The following WDR72 variants were observed in gnomAD, a reference collection of about 807,000 sequenced individuals.
WDR72 encodes the protein WD repeat domain 72.
WDR72 carries 120 observed loss-of-function variants against 124.2 expected under a neutral mutation model. The observed-to-expected ratio is 0.97, with a 90% CI of 0.83 to 1.12. The LOEUF is 1.12. Among genes scored for constraint, WDR72 ranks in the 50% most tolerant of loss-of-function variants. WDR72 has a pLI of 0.00. For synonymous variants in WDR72, 452 were observed against 441.7 expected (o/e 1.02, Z -0.29); for missense variants, 1,387 against 1,278.8 (o/e 1.08, Z -1.29).
At chr15:53,677,729 T>G (rs1424632792) in intron 13 of WDR72, among the ~76,000 whole-genome samples, 2 of 152,188 alleles carry the variant, frequency 1.3e-5, no homozygotes, top group African/African-American at 4.8e-5. Flanking sequence ...GTAAACCTCT[T>G]TTCTTTGTAA....
At chr15:53,693,992 C>T (rs550652270) in intron 13 of WDR72, among the ~76,000 whole-genome samples, 1 of 152,308 alleles carries the variant, frequency 6.6e-6, no homozygotes, top group East Asian at 1.9e-4. Flanking sequence ...CAAAAACAGA[C>T]TCCCATGGAC....
chr15:53,537,760 TCAAGA>T (rs1206481872), intron 18 of WDR72, among the ~76,000 whole-genome samples: 1 of 152,170 alleles, frequency 6.6e-6, no homozygotes, highest in Non-Finnish European at 1.5e-5. Flanking sequence ...AGCCTTAAGG[TCAAGA>T]CATTTTATTT....
intron 3 of WDR72, among the ~76,000 whole-genome samples, chr15:53,720,947 T>C (rs1006610260): frequency 6.6e-6 from 1 of 152,176 alleles, no homozygotes; most frequent in African/African-American, 2.4e-5. Flanking sequence ...GCTAAGTCCA[T>C]AGCCAATATC....
At chr15:53,560,565 G>A (rs1268858795) in intron 18 of WDR72, among the ~76,000 whole-genome samples, 3 of 151,692 alleles carry the variant, frequency 2.0e-5, no homozygotes, top group Non-Finnish European at 4.4e-5. Context: ...CGATACACCA[G>A]GTTATTTTTT....
intron 18 of WDR72, among the ~76,000 whole-genome samples, chr15:53,594,783 ACC>A (rs1227448558): frequency 4.1e-5 from 6 of 145,280 alleles, no homozygotes; most frequent in Non-Finnish European, 1.5e-5. Context: ...CAGAGCCTGC[ACC>A]CCCCACCCCC....
chr15:53,549,699 C>G (rs902098804), intron 18 of WDR72, among the ~76,000 whole-genome samples: 1 of 151,970 alleles, frequency 6.6e-6, no homozygotes, highest in East Asian at 1.9e-4. Context: ...AAGGGTTATA[C>G]CTAAGGTCAC....
intron 17 of WDR72, 78 bp from the exon 18 acceptor site, chr15:53,597,352 C>A: frequency 2.1e-6 from 3 of 1,440,658 alleles, no homozygotes; most frequent in Non-Finnish European, 1.9e-6. Flanking sequence ...ATCCAAAGCC[C>A]GGAATTTAAA....
intron 17 of WDR72, among the ~76,000 whole-genome samples, chr15:53,598,597 TG>T (rs1349784089): frequency 6.6e-6 from 1 of 152,198 alleles, no homozygotes; most frequent in African/African-American, 2.4e-5. Context: ...GCAGAAAAGC[TG>T]GCCTCTGACT....
rs568616462 is a variant in WDR72, at chr15:53,608,115, T to C, written c.2952+1398A>G. 5.9e-5 allele frequency among the ~76,000 whole-genome samples: 9 copies of C among 152,152 alleles called. No individual in the cohort carries two copies. In the South Asian group the frequency reaches 1.9e-3, roughly 32 times the overall value. Reference sequence around the variant, plus strand: ...TGGAGGTTCCTCAAAAAACTAAAAATAGATCTACCATATGATACAGCAATC... The same window carrying C: ...TGGAGGTTCCTCAAAAAACTAAAAACAGATCTACCATATGATACAGCAATC... On this transcript the variant is annotated intron_variant, in intron 17 of 19. Transcript: ENST00000360509.
At chr15:53,610,955 G>A (rs2013515386) in intron 16 of WDR72, among the ~76,000 whole-genome samples, 1 of 152,086 alleles carries the variant, frequency 6.6e-6, no homozygotes, top group East Asian at 1.9e-4. Flanking sequence ...GTACTTCACA[G>A]CACAATTTAA....
At chr15:53,700,868 G>A (rs2017151968) in intron 12 of WDR72, among the ~76,000 whole-genome samples, 1 of 152,090 alleles carries the variant, frequency 6.6e-6, no homozygotes, top group South Asian at 2.1e-4. Context: ...ATTTCCTGGA[G>A]AACCTGCCCA....
chr15:53,723,796 C>T (rs11852831), intron 2 of WDR72, among the ~76,000 whole-genome samples: 39,350 of 152,082 alleles, frequency 0.26, 6,559 homozygotes, highest in Middle Eastern at 0.47. Flanking sequence ...ATGTAAATTG[C>T]TTTTATACTA....
At chr15:53,601,160 C>G (rs1445312928) in intron 17 of WDR72, among the ~76,000 whole-genome samples, 1 of 152,064 alleles carries the variant, frequency 6.6e-6, no homozygotes, top group African/African-American at 2.4e-5. Context: ...CAGTGGGCCT[C>G]TTAGTGGAAA....
intron 18 of WDR72, among the ~76,000 whole-genome samples, chr15:53,569,312 A>G (rs534694360): frequency 2.0e-4 from 30 of 152,044 alleles, no homozygotes; most frequent in Non-Finnish European, 4.0e-4. Flanking sequence ...ATCACAGGTA[A>G]TATTAGAGAT....
chr15:53,579,812 C>T (rs1486426800), intron 18 of WDR72, among the ~76,000 whole-genome samples: 5 of 151,890 alleles, frequency 3.3e-5, no homozygotes, highest in Non-Finnish European at 7.4e-5. Flanking sequence ...CCCTCCTGTC[C>T]CCTATAAAAA....
chr15:53,519,261 C>A (rs1298204358), intron 19 of WDR72, among the ~76,000 whole-genome samples: 1 of 152,040 alleles, frequency 6.6e-6, no homozygotes, highest in Admixed American at 6.6e-5. Context: ...GCTTTAATCA[C>A]TGTAAAAGAA....
chr15:53,607,359 G>C (rs775212890), intron 17 of WDR72, among the ~76,000 whole-genome samples: 3 of 152,052 alleles, frequency 2.0e-5, no homozygotes, highest in Non-Finnish European at 4.4e-5. Flanking sequence ...AGAGAACCTA[G>C]AAACAAATCC....
chr15:53,627,122 C>T (rs1296962837), intron 14 of WDR72, among the ~76,000 whole-genome samples: 1 of 152,220 alleles, frequency 6.6e-6, no homozygotes, highest in African/African-American at 2.4e-5. Flanking sequence ...AGTTACCCAT[C>T]TGGCAAATAG....
At chr15:53,741,676 T>C (rs2018512693) in intron 1 of WDR72, among the ~76,000 whole-genome samples, 1 of 152,134 alleles carries the variant, frequency 6.6e-6, no homozygotes. Context: ...CTTGGATCAT[T>C]AATGTAATCC....
Sources: gnomAD v4.1 joint callset for allele counts (sites outside exome capture counted in the v4.1 genomes callset) on GRCh38, gnomAD v4.1.1 for gene constraint, MANE v1.5 for transcripts, NCBI Gene and HGNC (gene_info 2026-07-23, HGNC 2026-07-21) for gene names.